Variants in DSCAML1 observed in about 807,000 individuals in gnomAD.
DSCAML1 encodes cell adhesion molecule DSCAML1.
In DSCAML1, 38 loss-of-function variants were observed where a neutral mutation model predicts 200.5. That is an observed-to-expected ratio of 0.19 (90% CI 0.15 to 0.25). The LOEUF is 0.25. DSCAML1 is among the 10% of genes least tolerant of loss of function. The pLI is 1.00. For missense variants in DSCAML1, 2,223 were observed against 2,858.8 expected, an observed-to-expected ratio of 0.78 and a Z score of 5.07; for synonymous variants, 1,215 against 1,165.0, an observed-to-expected ratio of 1.04 and a Z score of -0.87.
chr11:117,614,292 G>T (rs565618417), intron 3 of DSCAML1, among the ~76,000 whole-genome samples: 19 of 152,242 alleles, frequency 1.2e-4, no homozygotes, highest in Non-Finnish European at 1.8e-4. Flanking sequence ...GGGAGTGAAT[G>T]AAATGACAAT....
chr11:117,720,276 C>T (rs2054020291), intron 3 of DSCAML1, among the ~76,000 whole-genome samples: 1 of 152,198 alleles, frequency 6.6e-6, no homozygotes, highest in African/African-American at 2.4e-5. Flanking sequence ...CCTGACAGGG[C>T]CCCAAACAAG....
intron 3 of DSCAML1, among the ~76,000 whole-genome samples, chr11:117,733,352 G>C (rs1186959332): frequency 2.0e-5 from 3 of 152,200 alleles, no homozygotes; most frequent in Non-Finnish European, 4.4e-5. Context: ...AGAATCCCTG[G>C]TGCAGAGTGG....
chr11:117,761,312 C>A (rs2054797631), intron 3 of DSCAML1, among the ~76,000 whole-genome samples: 1 of 152,122 alleles, frequency 6.6e-6, no homozygotes, highest in Non-Finnish European at 1.5e-5. Flanking sequence ...CCTGGACATG[C>A]TCAGACCAGG....
intron 17 of DSCAML1, 64 bp from the exon 18 acceptor site, chr11:117,461,660 A>G (rs781749086): frequency 1.9e-4 from 295 of 1,528,430 alleles, no homozygotes; most frequent in Non-Finnish European, 2.5e-4. Flanking sequence ...CAGTACAGCA[A>G]TTGTGTCCCA....
intron 27 of DSCAML1, among the ~76,000 whole-genome samples, chr11:117,434,904 G>A: frequency 6.6e-6 from 1 of 152,176 alleles, no homozygotes; most frequent in East Asian, 1.9e-4. Context: ...GGGAGCATTA[G>A]TCATTCCCTC....
intron 4 of DSCAML1, among the ~76,000 whole-genome samples, chr11:117,527,021 GGT>G (rs201389402): frequency 0.016 from 2,427 of 152,180 alleles, 26 homozygotes; most frequent in South Asian, 0.036. Context: ...TATAGTGCCA[GGT>G]GTGGTGGCAC....
chr11:117,774,291 C>A (rs144816801), intron 3 of DSCAML1, among the ~76,000 whole-genome samples: 2 of 152,170 alleles, frequency 1.3e-5, no homozygotes, highest in Admixed American at 1.3e-4. Flanking sequence ...AGTTCCGGCC[C>A]GTGGGAACTG....
At chr11:117,810,082 CACACACAT>C (rs2055748118) in intron 1 of DSCAML1, among the ~76,000 whole-genome samples, 1 of 152,222 alleles carries the variant, frequency 6.6e-6, no homozygotes, top group South Asian at 2.1e-4. Flanking sequence ...TACACATTCG[CACACACAT>C]ACACACATTC....
intron 3 of DSCAML1, among the ~76,000 whole-genome samples, chr11:117,653,086 C>T (rs1350728311): frequency 1.3e-5 from 2 of 152,160 alleles, no homozygotes; most frequent in Non-Finnish European, 2.9e-5. Context: ...CTACAGGCCC[C>T]TCCCCAACTT....
intron 3 of DSCAML1, among the ~76,000 whole-genome samples, chr11:117,547,350 T>C (rs890196096): frequency 6.6e-6 from 1 of 152,172 alleles, no homozygotes; most frequent in Non-Finnish European, 1.5e-5. Flanking sequence ...AGAACCCCAG[T>C]AGCTGCACGG....
chr11:117,553,042 C>CTGGGTGATGAGATCAAGTT (rs2050496251), intron 3 of DSCAML1, among the ~76,000 whole-genome samples: 1 of 152,178 alleles, frequency 6.6e-6, no homozygotes, highest in African/African-American at 2.4e-5. Flanking sequence ...ACCGCCTGTT[C>CTGGGTGATGAGATCAAGTT]TGGGTGATGA....
intron 3 of DSCAML1, among the ~76,000 whole-genome samples, chr11:117,537,167 G>A (rs1173914283): frequency 1.3e-5 from 2 of 152,150 alleles, no homozygotes; most frequent in African/African-American, 4.8e-5. Context: ...GCCTCTGCCT[G>A]GTCGCTTCTG....
chr11:117,793,320 G>A lies in DSCAML1; in HGVS notation c.46+3714C>T, dbSNP rs201426556. ...GGGATCTTCTCTTGACTACTTCAGA[G>A]GTCCCCCAGAAAACAACTCCTCCAA... On this transcript the variant is annotated intron_variant, in intron 1 of 32. Coordinates refer to ENST00000651296, the MANE Select transcript of DSCAML1 (RefSeq NM_020693.4). Among the ~76,000 whole-genome samples the A allele has an allele frequency of 7.2e-5, 11 of 152,138 alleles. No homozygotes were observed. The East Asian group carries it at 1.7e-3, about 24-fold the overall frequency.
At chr11:117,445,142 T>C (rs930276500) in intron 20 of DSCAML1, among the ~76,000 whole-genome samples, 1 of 152,224 alleles carries the variant, frequency 6.6e-6, no homozygotes. Context: ...AGGGACATTC[T>C]TCATGCCCCA....
intron 3 of DSCAML1, among the ~76,000 whole-genome samples, chr11:117,720,078 C>G (rs569049228): frequency 2.6e-5 from 4 of 151,902 alleles, no homozygotes; most frequent in Non-Finnish European, 4.4e-5. Context: ...GGCACTGGAT[C>G]TCTCCGTGGA....
At chr11:117,664,883 C>T (rs751271700) in intron 3 of DSCAML1, among the ~76,000 whole-genome samples, 1 of 152,226 alleles carries the variant, frequency 6.6e-6, no homozygotes, top group Non-Finnish European at 1.5e-5. Context: ...TACCTTGTCC[C>T]TTTCACGGCC....
At chr11:117,671,943 T>C (rs1293505889) in intron 3 of DSCAML1, among the ~76,000 whole-genome samples, 1 of 150,600 alleles carries the variant, frequency 6.6e-6, no homozygotes, top group Non-Finnish European at 1.5e-5. Context: ...CTACTAAAAA[T>C]ACAAAAAATT....
At chr11:117,627,707 T>C (rs2052082732) in intron 3 of DSCAML1, among the ~76,000 whole-genome samples, 1 of 152,126 alleles carries the variant, frequency 6.6e-6, no homozygotes, top group Non-Finnish European at 1.5e-5. Context: ...CACAGAAGTT[T>C]TGAAGGCGGT....
intron 23 of DSCAML1, 124 bp from the exon 24 acceptor site, chr11:117,439,107 C>A: frequency 1.5e-6 from 2 of 1,334,132 alleles, no homozygotes; most frequent in Non-Finnish European, 2.0e-6. Flanking sequence ...CACTCCCCAG[C>A]TCTCCTGCCT....
Sources: allele counts gnomAD v4.1 joint callset (sites outside exome capture counted in the v4.1 genomes callset), GRCh38; gene constraint gnomAD v4.1.1; transcripts MANE v1.5; gene names NCBI Gene and HGNC (gene_info 2026-07-23, HGNC 2026-07-21).